The following VAPA variants were observed in gnomAD, a reference collection of about 807,000 sequenced individuals.
VAPA encodes VAMP associated protein A, also known as vesicle-associated membrane protein-associated protein A.
Under a neutral mutation model 25.6 loss-of-function variants are expected in VAPA, and 6 were observed. That is an observed-to-expected ratio of 0.23 (90% CI 0.13 to 0.46). The LOEUF (loss-of-function observed/expected upper bound fraction) is 0.46, where lower values mean the gene tolerates loss of function less well. VAPA is among the 20% of genes least tolerant of loss of function. The probability of loss-of-function intolerance (pLI) is 0.99; values close to 1 mark genes in which losing one functional copy is unlikely to be tolerated. For missense variants in VAPA, 244 were observed against 302.1 expected, an observed-to-expected ratio of 0.81 and a Z score of 1.43; for synonymous variants, 112 against 106.2, an observed-to-expected ratio of 1.05 and a Z score of -0.34.
chr18:9,950,962 G>C, intron 5 of VAPA: 1 of 167,264 alleles, frequency 6.0e-6, no homozygotes, highest in Non-Finnish European at 1.3e-5. Flanking sequence ...GTGCTGTTGA[G>C]TGTAAAATAC....
At chr18:9,948,099 C>A (rs1490271508) in intron 4 of VAPA, 2 of 152,078 alleles carry the variant, frequency 1.3e-5, no homozygotes, top group Non-Finnish European at 2.9e-5. Context: ...TATTGGTTAT[C>A]ATTTCTTCTC....
rs2069259013 is a variant in VAPA at position 9,931,908 on chromosome 18, T to C, written c.178T>C (p.Cys60Arg). The change falls in exon 2 of 6, where the codon TGT becomes CGT. Residue 60 changes from cysteine to arginine, a missense_variant. This residue lies in a region of VAPA where 99 missense variants were observed against 161.6 expected (regional missense o/e 0.61). Coordinates refer to ENST00000400000, the MANE Select transcript of VAPA (RefSeq NM_194434.3). ...GAAGACTACAGCACCTCGCCGGTAC[T>C]GTGTGAGGCCCAACAGTGGAATTAT... ...KVKTTAPRRY[C>R]VRPNSGIIDP... 1 of 1,612,188 alleles carries C rather than the reference T, an allele frequency of 6.2e-7. No individual in the cohort carries two copies. Among genetic ancestry groups the C allele is most frequent in the African/African-American group, 1.3e-5 (1 of 74,864 alleles).
chr18:9,950,518 A>C lies in VAPA; in HGVS notation c.541A>C (p.Arg181=). The C allele has an allele frequency of 6.2e-7, 1 of 1,613,710 alleles. No individual in the cohort carries two copies. The highest frequency in any genetic ancestry group is 8.5e-7 in the Non-Finnish European group (1 of 1,179,936). The part of the protein sequence containing the change: ...ETRKLMEECK[R]LQGEMMKLSE... ...AAGGAAACTAATGGAAGAGTGTAAA[A>C]GACTTCAGGGAGAAATGATGAAGCT... Residue 181 remains arginine (R), a synonymous_variant, in exon 5 of 6, where the codon AGA becomes CGA. Coordinates refer to ENST00000400000, the MANE Select transcript of VAPA (RefSeq NM_194434.3).
At chr18:9,949,639 C>T (rs1280504626) in intron 4 of VAPA, 1 of 152,140 alleles carries the variant, frequency 6.6e-6, no homozygotes, top group Admixed American at 6.5e-5. Flanking sequence ...GCTTGTTACA[C>T]TAATACTGCT....
intron 4 of VAPA, among the ~76,000 whole-genome samples, chr18:9,943,356 A>C (rs539222678): frequency 6.6e-6 from 1 of 152,174 alleles, no homozygotes; most frequent in Non-Finnish European, 1.5e-5. Flanking sequence ...AAAAGACTCA[A>C]TATTTTTTCC....
chr18:9,927,749 AT>A (rs1323758051), intron 1 of VAPA, among the ~76,000 whole-genome samples: 5 of 152,040 alleles, frequency 3.3e-5, no homozygotes, highest in Non-Finnish European at 4.4e-5. Flanking sequence ...TTTAAAACTT[AT>A]GTTCAGACTT....
intron 4 of VAPA, 120 bp downstream of exon 4, chr18:9,937,186 T>C (rs1167795520): frequency 1.1e-5 from 5 of 460,224 alleles, no homozygotes; most frequent in East Asian, 4.1e-5. Context: ...TTCATAAGAC[T>C]CAGTGGTTAA....
intron 1 of VAPA, among the ~76,000 whole-genome samples, chr18:9,927,786 A>C (rs978030393): frequency 1.3e-5 from 2 of 152,074 alleles, no homozygotes; most frequent in Non-Finnish European, 2.9e-5. Flanking sequence ...ACATTTATGT[A>C]TGTGTTACAT....
At chr18:9,922,813 C>T (rs2069168317) in intron 1 of VAPA, among the ~76,000 whole-genome samples, 1 of 152,080 alleles carries the variant, frequency 6.6e-6, no homozygotes, top group Non-Finnish European at 1.5e-5. Flanking sequence ...GCCAGTTATA[C>T]TTCATTTCCT....
At chr18:9,917,641 T>A (rs887320596) in intron 1 of VAPA, among the ~76,000 whole-genome samples, 4 of 152,154 alleles carry the variant, frequency 2.6e-5, no homozygotes, top group Non-Finnish European at 4.4e-5. Flanking sequence ...TAAAATAAAT[T>A]TCAAATATAT....
intron 1 of VAPA, among the ~76,000 whole-genome samples, chr18:9,923,042 T>C (rs1006254298): frequency 6.6e-5 from 10 of 152,268 alleles, no homozygotes; most frequent in Non-Finnish European, 8.8e-5. Context: ...TATTTCACTT[T>C]ATAAAAAGTC....
chr18:9,914,151 C>G lies in VAPA; in HGVS notation c.-106C>G. On this transcript the variant is annotated 5_prime_UTR_variant, in exon 1 of 6. Transcript: ENST00000400000. ...GGCGTTAGGGCTCGGGAGCCGCGAGCCTGGCCTCGTCCTAGAGCTCGGCCG... is the reference window on the plus strand; with the variant it reads ...GGCGTTAGGGCTCGGGAGCCGCGAGGCTGGCCTCGTCCTAGAGCTCGGCCG... The G allele has an allele frequency of 9.9e-7, 1 of 1,005,102 alleles. No homozygotes were observed. Among genetic ancestry groups the G allele is most frequent in the Non-Finnish European group, 1.4e-6 (1 of 705,788 alleles). 62.3% of individuals were successfully genotyped at this position (1,005,102 alleles called of 1,614,324 possible).
Position 9,957,015 on chromosome 18 carries a change from C to T in VAPA, c.*2804C>T, listed in dbSNP as rs1278515071. On this transcript the variant is annotated 3_prime_UTR_variant, in exon 6 of 6. Transcript: ENST00000400000. ...AAAAATGTATGAAATTCAGAAATTCCGATCAAAGAAAAGTAATTCTTTCTT... is the reference window on the plus strand; with the variant it reads ...AAAAATGTATGAAATTCAGAAATTCTGATCAAAGAAAAGTAATTCTTTCTT... 1 of 150,528 alleles carries T rather than the reference C, an allele frequency of 6.6e-6. No individual in the cohort carries two copies. Among genetic ancestry groups the T allele is most frequent in the Non-Finnish European group, 1.5e-5 (1 of 67,640 alleles). 9.3% of individuals were successfully genotyped at this position (150,528 alleles called of 1,614,324 possible).
At chr18:9,931,083 A>G (rs1450130227) in intron 1 of VAPA, among the ~76,000 whole-genome samples, 1 of 152,206 alleles carries the variant, frequency 6.6e-6, no homozygotes. Context: ...CTTTTGGAAT[A>G]CTTAGAACTG....
rs2069521822 is a variant in VAPA, at chr18:9,954,345, G to A, written c.*134G>A. 1.3e-6 allele frequency: 1 copy of A among 743,408 alleles called. No individual in the cohort carries two copies. Among genetic ancestry groups the A allele is most frequent in the South Asian group, 1.9e-5 (1 of 53,506 alleles). The allele number at this position is 743,408 out of a possible 1,614,324, so 46.1% of individuals were successfully genotyped here. On this transcript the variant is annotated 3_prime_UTR_variant, in exon 6 of 6. Transcript: ENST00000400000. The stretch of plus-strand genomic sequence containing the variant: ...GTGTGTACAGCGTCATATAGGCTTT[G>A]CCTTTAATGATCTCTTACGGTTAGA...
At chr18:9,921,355 G>A (rs1208655115) in intron 1 of VAPA, among the ~76,000 whole-genome samples, 1 of 152,132 alleles carries the variant, frequency 6.6e-6, no homozygotes, top group Non-Finnish European at 1.5e-5. Flanking sequence ...AAGAGGTTAG[G>A]ACTAGGTGAT....
chr18:9,954,122 A>G lies in VAPA; in HGVS notation c.661A>G (p.Arg221Gly), dbSNP rs957121534. Residue 221 changes from arginine to glycine, a missense_variant, in exon 6 of 6, where the codon AGA (arginine) becomes GGA (glycine). Arg to Gly is a moderately radical substitution (Grantham distance 125). Coordinates refer to ENST00000400000, the MANE Select transcript of VAPA (RefSeq NM_194434.3). Reference protein sequence around the residue: ...KPGSTSTASFRDNVTSPLPSL... With the variant: ...KPGSTSTASFGDNVTSPLPSL... Reference sequence around the variant, plus strand: ...TGGATCAACCTCAACTGCATCCTTCAGAGATAATGTCACCAGTCCTCTTCC... The same window carrying G: ...TGGATCAACCTCAACTGCATCCTTCGGAGATAATGTCACCAGTCCTCTTCC... 4 of 1,614,022 alleles carry G rather than the reference A, an allele frequency of 2.5e-6. No individual in the cohort carries two copies. The Admixed American group carries it at 6.7e-5, about 27-fold the overall frequency.
intron 4 of VAPA, chr18:9,949,696 T>C (rs1187794927): frequency 6.6e-6 from 1 of 152,164 alleles, no homozygotes; most frequent in Non-Finnish European, 1.5e-5. Context: ...GATGTTGGGG[T>C]ACTTTAGACA....
At chr18:9,940,343 C>A (rs138874578) in intron 4 of VAPA, among the ~76,000 whole-genome samples, 1 of 152,098 alleles carries the variant, frequency 6.6e-6, no homozygotes, top group Non-Finnish European at 1.5e-5. Flanking sequence ...TTTCCAGGTC[C>A]AGACCTGGAA....
Sources: gnomAD v4.1 joint callset for allele counts (sites outside exome capture counted in the v4.1 genomes callset) on GRCh38, gnomAD v4.1.1 for gene constraint, gnomAD v4.1.1 regional missense constraint, MANE v1.5 for transcripts, NCBI Gene and HGNC (gene_info 2026-07-23, HGNC 2026-07-21) for gene names.